Variants in KCNT2 observed in about 807,000 individuals in gnomAD.
KCNT2 encodes the protein potassium channel subfamily T member 2.
Under a neutral mutation model 153.8 loss-of-function variants are expected in KCNT2, and 67 were observed. The observed-to-expected ratio is 0.44, with a 90% CI of 0.36 to 0.53. KCNT2 has a LOEUF of 0.53. Ranked by LOEUF, KCNT2 falls within the 20% of genes least tolerant of loss-of-function variation. The pLI, the probability that KCNT2 is intolerant of heterozygous loss-of-function variation, is 0.00. For synonymous variants in KCNT2, 500 were observed against 458.8 expected (o/e 1.09, Z -1.15); for missense variants, 975 against 1,354.8 (o/e 0.72, Z 4.40).
chr1:196,385,580 A>G (rs1669902381), intron 13 of KCNT2, among the ~76,000 whole-genome samples: 1 of 152,140 alleles, frequency 6.6e-6, no homozygotes, highest in South Asian at 2.1e-4. Flanking sequence ...GATAAATTTT[A>G]TATACAAATG....
At chr1:196,448,589 C>T (rs932940807) in intron 8 of KCNT2, among the ~76,000 whole-genome samples, 1 of 151,444 alleles carries the variant, frequency 6.6e-6, no homozygotes, top group Admixed American at 6.6e-5. Context: ...TACTTAATCC[C>T]GACTCTGTTG....
chr1:196,384,667 T>C (rs1572249971), intron 13 of KCNT2, among the ~76,000 whole-genome samples: 2 of 122,958 alleles, frequency 1.6e-5, no homozygotes, highest in South Asian at 2.5e-4. Flanking sequence ...CTTGCCACAC[T>C]CCAGCCTGCA....
intron 13 of KCNT2, among the ~76,000 whole-genome samples, chr1:196,383,103 G>A (rs868727103): frequency 6.6e-6 from 1 of 152,152 alleles, no homozygotes; most frequent in Admixed American, 6.5e-5. Flanking sequence ...GGGAAAAAGA[G>A]AAGAAATGGA....
chr1:196,397,631 A>G (rs1273761475), intron 13 of KCNT2, among the ~76,000 whole-genome samples: 1 of 151,536 alleles, frequency 6.6e-6, no homozygotes, highest in Non-Finnish European at 1.5e-5. Flanking sequence ...AAGTGATGAC[A>G]TAAATTTGGG....
At chr1:196,534,315 CTG>C (rs1321829832) in intron 1 of KCNT2, among the ~76,000 whole-genome samples, 1 of 152,092 alleles carries the variant, frequency 6.6e-6, no homozygotes, top group Admixed American at 6.5e-5. Flanking sequence ...CTACTAGACT[CTG>C]TGGAAAATTG....
chr1:196,433,905 A>G (rs1307756191), intron 8 of KCNT2, among the ~76,000 whole-genome samples: 1 of 152,080 alleles, frequency 6.6e-6, no homozygotes, highest in Non-Finnish European at 1.5e-5. Context: ...GAAGAGAGAA[A>G]GGAAGATACA....
intron 5 of KCNT2, among the ~76,000 whole-genome samples, chr1:196,470,352 C>G (rs922703432): frequency 2.6e-5 from 4 of 152,128 alleles, no homozygotes; most frequent in Non-Finnish European, 4.4e-5. Flanking sequence ...AGGACACAAT[C>G]CCTCCTATTT....
Position 196,428,287 on chromosome 1 carries a change from C to A in KCNT2, c.820-18G>T, listed in dbSNP as rs374842429. On this transcript the variant is annotated intron_variant, in intron 9 of 27. Coordinates refer to ENST00000294725, the MANE Select transcript of KCNT2 (RefSeq NM_198503.5). ...TGTTCAAACTGTAATATATTTTCCA[C>A]ATGTGAATGAAAAACACAGTAAGGA... 3 of 1,590,454 alleles carry A rather than the reference C, an allele frequency of 1.9e-6. No homozygotes were observed. The highest frequency in any genetic ancestry group is 2.7e-5 in the African/African-American group (2 of 74,316).
intron 1 of KCNT2, among the ~76,000 whole-genome samples, chr1:196,503,246 TA>T (rs1167130107): frequency 6.6e-6 from 1 of 152,026 alleles, no homozygotes; most frequent in Non-Finnish European, 1.5e-5. Flanking sequence ...CCATTATTTA[TA>T]AACACACAAA....
chr1:196,486,457 A>G (rs1298317354), intron 3 of KCNT2, among the ~76,000 whole-genome samples: 1 of 151,978 alleles, frequency 6.6e-6, no homozygotes, highest in African/African-American at 2.4e-5. Flanking sequence ...AGGAAAAGCA[A>G]AAGTTAAATA....
intron 15 of KCNT2, among the ~76,000 whole-genome samples, chr1:196,341,119 T>G (rs1200246461): frequency 2.6e-5 from 4 of 151,214 alleles, no homozygotes; most frequent in African/African-American, 9.7e-5. Flanking sequence ...TATAATAGAG[T>G]TATGTCCTGA....
At chr1:196,400,091 T>A (rs956951051) in intron 12 of KCNT2, among the ~76,000 whole-genome samples, 2 of 151,834 alleles carry the variant, frequency 1.3e-5, no homozygotes, top group Non-Finnish European at 2.9e-5. Context: ...ATGTACCATA[T>A]GTTCCTTACA....
intron 8 of KCNT2, among the ~76,000 whole-genome samples, chr1:196,463,655 CAA>C (rs1267688803): frequency 2.6e-5 from 4 of 151,684 alleles, no homozygotes; most frequent in African/African-American, 9.6e-5. Flanking sequence ...CCAAATAAAA[CAA>C]TGAAATAGAA....
At chr1:196,247,742 C>T (rs144867868) in intron 26 of KCNT2, among the ~76,000 whole-genome samples, 1 of 152,230 alleles carries the variant, frequency 6.6e-6, no homozygotes, top group African/African-American at 2.4e-5. Flanking sequence ...CAGCAGGTCC[C>T]TCCCACAACA....
At chr1:196,387,254 C>T (rs1431675769) in intron 13 of KCNT2, among the ~76,000 whole-genome samples, 5 of 151,862 alleles carry the variant, frequency 3.3e-5, no homozygotes, top group Admixed American at 3.3e-4. Flanking sequence ...TCCTACTATC[C>T]TCTATCTTGG....
At chr1:196,396,004 T>C (rs995793719) in intron 13 of KCNT2, among the ~76,000 whole-genome samples, 5 of 151,644 alleles carry the variant, frequency 3.3e-5, no homozygotes, top group African/African-American at 1.2e-4. Context: ...CAGTATTAGT[T>C]ATCTACTGCC....
intron 18 of KCNT2, among the ~76,000 whole-genome samples, chr1:196,330,921 A>G (rs918216438): frequency 6.6e-6 from 1 of 152,000 alleles, no homozygotes; most frequent in African/African-American, 2.4e-5. Context: ...CTCTTTAACA[A>G]CATGACTAGC....
chr1:196,555,473 T>C (rs1658517136), intron 1 of KCNT2, among the ~76,000 whole-genome samples: 1 of 151,106 alleles, frequency 6.6e-6, no homozygotes, highest in African/African-American at 2.4e-5. Flanking sequence ...TAATAAAAAC[T>C]ATAAAATACT....
In KCNT2 at chr1:196,578,904, T is replaced by G. The variant is rs181866465; in HGVS notation, c.95+29311A>C. On this transcript the variant is annotated intron_variant, in intron 1 of 27. Transcript: ENST00000294725. ...TTTAGAGTTTATTATAAAGACTTTA[T>G]TTTTTAGACCACTTTTATGTTCACA... 1.3e-3 allele frequency among the ~76,000 whole-genome samples: 193 copies of G among 152,252 alleles called. 1 individual carries two copies. The highest frequency in any genetic ancestry group is 1.2e-3 in the Non-Finnish European group (84 of 68,024).
Sources: allele counts gnomAD v4.1 joint callset (sites outside exome capture counted in the v4.1 genomes callset), GRCh38; gene constraint gnomAD v4.1.1; transcripts MANE v1.5; gene names NCBI Gene and HGNC (gene_info 2026-07-23, HGNC 2026-07-21).